Variants in KANK1 observed in about 807,000 individuals in gnomAD.
KANK1 encodes the protein KN motif and ankyrin repeat domain-containing protein 1.
A neutral mutation model predicts 106.2 loss-of-function variants in KANK1; 109 were observed. The ratio of observed to expected loss-of-function variants is 1.03; its 90% CI spans 0.88 to 1.20. KANK1 has a LOEUF of 1.20. Among genes scored for constraint, KANK1 ranks in the 50% most tolerant of loss-of-function variants. KANK1 has a pLI of 0.00. For missense variants in KANK1, 2,399 were observed against 1,710.7 expected (o/e 1.40, Z -7.10); for synonymous variants, 873 against 652.2 (o/e 1.34, Z -5.16).
chr9:507,903 C>T (rs2058839725), intron 1 of KANK1, among the ~76,000 whole-genome samples: 1 of 151,898 alleles, frequency 6.6e-6, no homozygotes, highest in African/African-American at 2.4e-5. Context: ...TCAGGCTGGT[C>T]TCCAACTCCT....
intron 7 of KANK1, among the ~76,000 whole-genome samples, chr9:737,888 A>G (rs373707244): frequency 4.6e-5 from 7 of 152,356 alleles, no homozygotes; most frequent in African/African-American, 1.4e-4. Context: ...AATGGAGCCA[A>G]GCCTGAGTGT....
intron 1 of KANK1, among the ~76,000 whole-genome samples, chr9:617,212 C>G (rs964129925): frequency 1.3e-5 from 2 of 151,760 alleles, no homozygotes; most frequent in Non-Finnish European, 2.9e-5. Flanking sequence ...TTACTGAGTC[C>G]AGTTCTTTTG....
chr9:571,107 G>C (rs1323456680), intron 1 of KANK1, among the ~76,000 whole-genome samples: 1 of 152,194 alleles, frequency 6.6e-6, no homozygotes, highest in Admixed American at 6.5e-5. Context: ...GTATGAGAGA[G>C]TGCCCATCTC....
At chr9:474,513 G>A (rs961780538) in intron 3 of KANK1, among the ~76,000 whole-genome samples, 2 of 152,194 alleles carry the variant, frequency 1.3e-5, no homozygotes, top group Non-Finnish European at 1.5e-5. Flanking sequence ...CTCAATAAAT[G>A]TCAGCGATTA....
intron 3 of KANK1, among the ~76,000 whole-genome samples, chr9:715,452 A>C (rs1012862654): frequency 7.2e-5 from 11 of 152,272 alleles, no homozygotes; most frequent in African/African-American, 2.6e-4. Context: ...TCTATTTCAC[A>C]TTCTTGCCAG....
intron 1 of KANK1, among the ~76,000 whole-genome samples, chr9:589,610 T>A (rs1824342844): frequency 1.3e-5 from 2 of 151,950 alleles, no homozygotes; most frequent in African/African-American, 4.8e-5. Flanking sequence ...GGTGGAGGGC[T>A]TCATCTTTGA....
chr9:614,517 A>G lies in KANK1; in HGVS notation c.-83-62373A>G, dbSNP rs4262365. 9.8e-4 allele frequency among the ~76,000 whole-genome samples: 149 copies of G among 152,282 alleles called. 1 individual carries two copies. Among genetic ancestry groups the G allele is most frequent in the African/African-American group, 3.5e-3 (144 of 41,546 alleles). On this transcript the variant is annotated intron_variant, in intron 1 of 11. Coordinates refer to ENST00000382297, the MANE Select transcript of KANK1 (RefSeq NM_015158.5). ...TGATCTTGGTCCTATCCTAGTGGCA[A>G]TCTCTTAACAGTTGTGCTGCTGGTG...
intron 1 of KANK1, among the ~76,000 whole-genome samples, chr9:590,227 G>A (rs16920607): frequency 6.6e-6 from 1 of 151,862 alleles, no homozygotes; most frequent in African/African-American, 2.4e-5. Context: ...AGTGAAGACC[G>A]AGTAGCAATA....
Position 713,125 on chromosome 9 carries a change from A to C in KANK1, c.2359A>C (p.Thr787Pro). Residue 787 changes from threonine (T) to proline (P), a missense_variant, in exon 3 of 12, where the codon ACT becomes CCT. Physicochemically the swap from Thr to Pro is conservative, Grantham distance 38 (BLOSUM62 -1). Coordinates refer to ENST00000382297, the MANE Select transcript of KANK1 (RefSeq NM_015158.5). The stretch of plus-strand genomic sequence containing the variant: ...TATAGCTTGTGGGCCACCACAGTTG[A>C]CTGTGGGGCTGACAGCCAGCAGAAG... ...RTIACGPPQLTVGLTASRRSV... is the reference protein window; with the variant it reads ...RTIACGPPQLPVGLTASRRSV... The C allele has an allele frequency of 6.2e-7, 1 of 1,601,798 alleles. No individual in the cohort carries two copies. The highest frequency in any genetic ancestry group is 8.5e-7 in the Non-Finnish European group (1 of 1,171,916).
At chr9:480,350 G>C (rs1044465703) in intron 3 of KANK1, among the ~76,000 whole-genome samples, 5 of 152,206 alleles carry the variant, frequency 3.3e-5, no homozygotes, top group African/African-American at 7.2e-5. Flanking sequence ...AGTACAAAAG[G>C]CTAGGTGGAC....
upstream of KANK1, among the ~76,000 whole-genome samples, chr9:501,334 G>C (rs1297979739): frequency 2.6e-5 from 4 of 151,940 alleles, no homozygotes; most frequent in Non-Finnish European, 4.4e-5. Flanking sequence ...CTGCCCCCAA[G>C]GTTTTCAGTA....
chr9:513,878 T>G (rs2059139826), intron 1 of KANK1, among the ~76,000 whole-genome samples: 1 of 152,042 alleles, frequency 6.6e-6, no homozygotes, highest in Non-Finnish European at 1.5e-5. Context: ...TTAGCTGGGC[T>G]TGCTGGTGCA....
intron 1 of KANK1, among the ~76,000 whole-genome samples, chr9:598,062 C>G (rs1481023135): frequency 3.3e-5 from 5 of 151,506 alleles, no homozygotes; most frequent in Non-Finnish European, 5.9e-5. Context: ...GGGTAGGGGC[C>G]CAACTTTATT....
chr9:694,738 G>C (rs1412102603), intron 2 of KANK1, among the ~76,000 whole-genome samples: 1 of 152,110 alleles, frequency 6.6e-6, no homozygotes, highest in Non-Finnish European at 1.5e-5. Flanking sequence ...GTGCAGCCTG[G>C]CTTCTGGCCT....
intron 1 of KANK1, among the ~76,000 whole-genome samples, chr9:644,320 T>C (rs769220268): frequency 1.3e-5 from 2 of 150,906 alleles, no homozygotes; most frequent in Non-Finnish European, 2.9e-5. Context: ...CTACCTATGA[T>C]TTGTGTGTAT....
At chr9:719,935 A>G (rs1828866085) in intron 3 of KANK1, among the ~76,000 whole-genome samples, 1 of 152,162 alleles carries the variant, frequency 6.6e-6, no homozygotes, top group Non-Finnish European at 1.5e-5. Flanking sequence ...ACATTCCTTT[A>G]TGTCAAGGAC....
At chr9:564,587 T>C (rs1251668215) in intron 1 of KANK1, among the ~76,000 whole-genome samples, 1 of 152,224 alleles carries the variant, frequency 6.6e-6, no homozygotes, top group African/African-American at 2.4e-5. Flanking sequence ...TTAGCATGTA[T>C]TGATAACCAT....
At chr9:504,516 C>T (rs1001999204), upstream of KANK1, among the ~76,000 whole-genome samples, 1 of 151,606 alleles carries the variant, frequency 6.6e-6, no homozygotes, top group African/African-American at 2.4e-5. Flanking sequence ...CTTCGCCGGC[C>T]CGCGCCGTTC....
intron 1 of KANK1, among the ~76,000 whole-genome samples, chr9:591,065 A>G (rs1052047745): frequency 6.6e-6 from 1 of 151,776 alleles, no homozygotes; most frequent in Non-Finnish European, 1.5e-5. Context: ...TTCATATGCC[A>G]TTTATATTCC....
Sources: allele counts gnomAD v4.1 joint callset (sites outside exome capture counted in the v4.1 genomes callset), GRCh38; gene constraint gnomAD v4.1.1; transcripts MANE v1.5; gene names NCBI Gene and HGNC (gene_info 2026-07-23, HGNC 2026-07-21).